ATRNL1: variants seen among roughly 807,000 people sequenced by gnomAD.
ATRNL1 encodes attractin like 1.
ATRNL1 carries 95 observed loss-of-function variants against 182.7 expected under a neutral mutation model. That is an observed-to-expected ratio of 0.52 (90% CI 0.44 to 0.62). The LOEUF (loss-of-function observed/expected upper bound fraction) is 0.62. Ranked by LOEUF, ATRNL1 falls within the 20% of genes least tolerant of loss-of-function variation. The pLI is 0.00. For synonymous variants in ATRNL1, 576 were observed against 568.3 expected, an observed-to-expected ratio of 1.01 and a Z score of -0.19; for missense variants, 1,471 against 1,679.5, an observed-to-expected ratio of 0.88 and a Z score of 2.17.
intron 19 of ATRNL1, among the ~76,000 whole-genome samples, chr10:115,384,873 G>A (rs1374273723): frequency 8.6e-5 from 13 of 150,876 alleles, no homozygotes; most frequent in Non-Finnish European, 1.2e-4. Flanking sequence ...TTGCTGAGTA[G>A]TATTTTATTG....
chr10:115,370,181 A>T (rs754147915), intron 19 of ATRNL1, among the ~76,000 whole-genome samples: 1 of 152,246 alleles, frequency 6.6e-6, no homozygotes, highest in Non-Finnish European at 1.5e-5. Flanking sequence ...CTGTAAGTCC[A>T]TTAAACCTCT....
chr10:115,497,619 A>G (rs753576275), intron 24 of ATRNL1, among the ~76,000 whole-genome samples: 12 of 151,988 alleles, frequency 7.9e-5, no homozygotes, highest in Non-Finnish European at 1.6e-4. Context: ...GGTTCTAATC[A>G]GCCATCTTGT....
chr10:115,433,518 C>T (rs188269990), intron 21 of ATRNL1, among the ~76,000 whole-genome samples: 61 of 152,058 alleles, frequency 4.0e-4, no homozygotes, highest in African/African-American at 1.4e-3. Flanking sequence ...TACCAGATTG[C>T]AGACATGATG....
intron 19 of ATRNL1, among the ~76,000 whole-genome samples, chr10:115,367,638 A>G (rs1168804637): frequency 6.8e-6 from 1 of 147,614 alleles, no homozygotes; most frequent in African/African-American, 2.5e-5. Flanking sequence ...TTTTTTCCCC[A>G]TCTTTGTGGT....
At chr10:115,180,145 TTTAAG>T (rs1206594449) in intron 8 of ATRNL1, among the ~76,000 whole-genome samples, 2 of 152,028 alleles carry the variant, frequency 1.3e-5, no homozygotes, top group Non-Finnish European at 2.9e-5. Flanking sequence ...GCTGTATTCC[TTTAAG>T]TTTTCTCTTT....
chr10:115,901,142 GTTAA>G lies in ATRNL1; in HGVS notation c.4019-43509_4019-43506del, dbSNP rs1304529831. On this transcript the variant is annotated intron_variant, in intron 28 of 28. Transcript: ENST00000355044. ...TATTAATGTCATCATTCTCTTAAGA[GTTAA>G]TTAATTGATATTTTGGTCCTACTAT... Among the ~76,000 whole-genome samples the G allele has an allele frequency of 2.0e-5, 3 of 152,262 alleles. No individual in the cohort carries two copies. The East Asian group carries it at 5.8e-4, about 29-fold the overall frequency.
intron 18 of ATRNL1, among the ~76,000 whole-genome samples, chr10:115,320,898 G>A (rs1389976992): frequency 6.6e-6 from 1 of 152,024 alleles, no homozygotes; most frequent in Non-Finnish European, 1.5e-5. Flanking sequence ...CGTCTGTCCA[G>A]TTCTGCGCCC....
intron 20 of ATRNL1, among the ~76,000 whole-genome samples, chr10:115,423,962 G>A (rs920544973): frequency 6.6e-6 from 1 of 152,112 alleles, no homozygotes; most frequent in African/African-American, 2.4e-5. Context: ...CTTCTGTGCA[G>A]CAAAGGAAAT....
At chr10:115,453,886 A>G (rs1847396840) in intron 21 of ATRNL1, among the ~76,000 whole-genome samples, 1 of 151,924 alleles carries the variant, frequency 6.6e-6, no homozygotes, top group South Asian at 2.1e-4. Flanking sequence ...AGCATGGCAC[A>G]TGTATACATA....
intron 5 of ATRNL1, among the ~76,000 whole-genome samples, chr10:115,146,096 A>G (rs1554879283): frequency 1.3e-5 from 2 of 152,002 alleles, no homozygotes. Context: ...AAATTATATC[A>G]GCAACCTGCA....
intron 3 of ATRNL1, among the ~76,000 whole-genome samples, chr10:115,123,985 C>T (rs1844854696): frequency 6.6e-6 from 1 of 151,826 alleles, no homozygotes. Context: ...TCAGGGCTTC[C>T]ACTGATTCTA....
At chr10:115,460,944 T>G (rs1355756960) in intron 21 of ATRNL1, among the ~76,000 whole-genome samples, 1 of 152,142 alleles carries the variant, frequency 6.6e-6, no homozygotes. Flanking sequence ...TGCATAATTC[T>G]CATTATCAGA....
At chr10:115,506,580 C>T (rs1850123616) in intron 24 of ATRNL1, among the ~76,000 whole-genome samples, 1 of 152,042 alleles carries the variant, frequency 6.6e-6, no homozygotes, top group South Asian at 2.1e-4. Flanking sequence ...AGCTCAAACT[C>T]CATAAAGGAG....
At chr10:115,774,589 C>G (rs1269946090) in intron 27 of ATRNL1, among the ~76,000 whole-genome samples, 4 of 152,078 alleles carry the variant, frequency 2.6e-5, no homozygotes, top group Non-Finnish European at 5.9e-5. Context: ...TTTTTACATT[C>G]CAATTCAAAC....
At chr10:115,901,465 G>A (rs562470237) in intron 28 of ATRNL1, among the ~76,000 whole-genome samples, 5 of 152,216 alleles carry the variant, frequency 3.3e-5, no homozygotes, top group South Asian at 4.1e-4. Context: ...ACTTGGAGGC[G>A]TTGACAAACC....
At chr10:115,118,552 G>A (rs188547392) in intron 1 of ATRNL1, among the ~76,000 whole-genome samples, 11 of 152,180 alleles carry the variant, frequency 7.2e-5, no homozygotes, top group Admixed American at 3.9e-4. Flanking sequence ...GTAAAGGCTG[G>A]TTAACTTCTG....
intron 6 of ATRNL1, among the ~76,000 whole-genome samples, chr10:115,161,752 A>G (rs1846795703): frequency 6.6e-6 from 1 of 152,082 alleles, no homozygotes; most frequent in African/African-American, 2.4e-5. Flanking sequence ...CAAATGAGGG[A>G]TTAGAGTAGA....
chr10:115,766,445 A>G (rs7914740), intron 27 of ATRNL1, among the ~76,000 whole-genome samples: 5,098 of 152,308 alleles, frequency 0.033, 312 homozygotes, highest in African/African-American at 0.11. Context: ...TTGTTATGCA[A>G]CCTTTGACTC....
intron 27 of ATRNL1, among the ~76,000 whole-genome samples, chr10:115,802,391 T>A (rs950930701): frequency 2.0e-5 from 3 of 152,148 alleles, no homozygotes; most frequent in African/African-American, 7.2e-5. Flanking sequence ...CATACTTTTA[T>A]TTGAAAAGAA....
Sources: gnomAD v4.1 joint callset for allele counts (sites outside exome capture counted in the v4.1 genomes callset) on GRCh38, gnomAD v4.1.1 for gene constraint, MANE v1.5 for transcripts, NCBI Gene and HGNC (gene_info 2026-07-23, HGNC 2026-07-21) for gene names.